The following WNK1 variants were observed in gnomAD, a reference collection of about 807,000 sequenced individuals.
WNK1 encodes the protein WNK lysine deficient protein kinase 1, also known as serine/threonine-protein kinase WNK1.
In WNK1, 38 loss-of-function variants were observed where a neutral mutation model predicts 222.8. That is an observed-to-expected ratio of 0.17 (90% CI 0.13 to 0.22). WNK1 has a LOEUF of 0.22. WNK1 is among the 10% of genes least tolerant of loss of function. WNK1 has a pLI of 1.00. For synonymous variants in WNK1, 1,090 were observed against 1,092.9 expected (o/e 1.00, Z 0.05); for missense variants, 2,348 against 2,918.4 (o/e 0.80, Z 4.50).
At position 884,750 on chromosome 12, in the gene WNK1, A is replaced by G; in HGVS notation, c.3946A>G (p.Thr1316Ala). ...TTCTGAACTTAGACGTGCCCAAATG[A>G]CAGAAGGACCCAACACAGCACCTCC... is the stretch of plus-strand genomic sequence containing the variant. ...AFSELRRAQM[T>A]EGPNTAPPNF... Residue 1316 changes from threonine to alanine, a missense_variant, in exon 19 of 28, where the codon ACA (threonine) becomes GCA (alanine). By Grantham distance (58) the Thr-to-Ala change is moderately conservative. Around this residue, in one of 13 missense-constraint regions of WNK1, gnomAD observed 1,144 missense variants for 1,273.6 expected, o/e 0.90. Transcript: ENST00000315939. The surrounding 1 kb of genome is among the most constrained non-coding windows in gnomAD (Gnocchi z 5.6). 6 of 1,614,186 alleles carry G rather than the reference A, an allele frequency of 3.7e-6. No individual in the cohort carries two copies. The highest frequency in any genetic ancestry group is 5.1e-6 in the Non-Finnish European group (6 of 1,180,032).
Position 753,468 on chromosome 12 carries a change from C to A in WNK1, c.-98C>A. 1.3e-6 allele frequency: 2 copies of A among 1,536,888 alleles called. No homozygotes were observed. The highest frequency in any genetic ancestry group is 1.8e-5 in the Admixed American group (1 of 54,570). On this transcript the variant is annotated 5_prime_UTR_variant, in exon 1 of 28. Transcript: ENST00000315939. The surrounding 1 kb of genome is among the most constrained non-coding windows in gnomAD (Gnocchi z 5.2). ...TCCGGGTCGGCGCGAACCCGCCCGG[C>A]CGCGGTTCCCTGCAGACCTCTGCGC...
intron 1 of WNK1, among the ~76,000 whole-genome samples, chr12:810,172 G>A (rs557526428): frequency 2.0e-4 from 30 of 152,126 alleles, no homozygotes; most frequent in Middle Eastern, 3.4e-3. Context: ...GCCTGAACCC[G>A]GGAGGTGGAG....
chr12:779,279 C>T (rs980791667), intron 1 of WNK1, among the ~76,000 whole-genome samples: 1 of 151,934 alleles, frequency 6.6e-6, no homozygotes, highest in African/African-American at 2.4e-5. Context: ...TTTCGAATTC[C>T]CTGTTGGGAA....
Position 832,145 on chromosome 12 carries a change from G to A in WNK1, c.1311+1985G>A, listed in dbSNP as rs1211446827. On this transcript the variant is annotated intron_variant, in intron 4 of 27. Transcript: ENST00000315939. ...GGCTGGAGTGCAGTGGCGCCATCTC[G>A]GCTCACTGCAAGCTCTGCCTCCTGG... 3.3e-5 allele frequency among the ~76,000 whole-genome samples: 5 copies of A among 151,994 alleles called. 1 individual carries two copies. Among genetic ancestry groups the A allele is most frequent in the African/African-American group, 7.2e-5 (3 of 41,460 alleles).
rs186707862 is a variant in WNK1, at chr12:823,157, T to C, written c.933-3885T>C. Among the ~76,000 whole-genome samples the C allele has an allele frequency of 1.4e-3, 210 of 152,322 alleles. 1 individual carries two copies. Among genetic ancestry groups the C allele is most frequent in the African/African-American group, 4.9e-3 (203 of 41,576 alleles). On this transcript the variant is annotated intron_variant, in intron 2 of 27. Transcript: ENST00000315939. ...TTGCTGAAAAATCAGCTCATAATCTTATTGAGGATCCCATGGTCATAAGTC... is the reference window on the plus strand; with the variant it reads ...TTGCTGAAAAATCAGCTCATAATCTCATTGAGGATCCCATGGTCATAAGTC...
chr12:860,625 A>C (rs1951135232), intron 6 of WNK1, among the ~76,000 whole-genome samples: 1 of 152,194 alleles, frequency 6.6e-6, no homozygotes, highest in South Asian at 2.1e-4. Context: ...TTGCCTTGTA[A>C]AAGAAAGTGA....
At chr12:906,910 G>A (rs921393827) in intron 26 of WNK1, 7 of 241,268 alleles carry the variant, frequency 2.9e-5, no homozygotes, top group Non-Finnish European at 4.0e-5. Flanking sequence ...AAGTGCATAC[G>A]TCTAGTCCCA....
chr12:797,481 A>G (rs987451873), intron 1 of WNK1, among the ~76,000 whole-genome samples: 4 of 152,234 alleles, frequency 2.6e-5, no homozygotes, highest in Admixed American at 2.6e-4. Context: ...AATGATCGTA[A>G]TAATACAGCA....
chr12:869,092 A>G lies in WNK1; in HGVS notation c.2140-2173A>G, dbSNP rs775102491. On this transcript the variant is annotated intron_variant, in intron 8 of 27. Coordinates refer to ENST00000315939, the MANE Select transcript of WNK1 (RefSeq NM_018979.4). ...CCTCATTTTCTTCAGGAGGATCTGC[A>G]CTTCATCCACAGGTTATAGGAAAAC... 3.1e-6 allele frequency: 5 copies of G among 1,614,050 alleles called. No homozygotes were observed. The East Asian group carries it at 8.9e-5, about 29-fold the overall frequency.
At position 880,781 on chromosome 12, in the gene WNK1, A is replaced by G. The variant is rs747935613; in HGVS notation, c.2893A>G (p.Asn965Asp). The G allele has an allele frequency of 6.2e-7, 1 of 1,613,920 alleles. No homozygotes were observed. Among genetic ancestry groups the G allele is most frequent in the Non-Finnish European group, 8.5e-7 (1 of 1,179,988 alleles). Reference protein sequence around the residue: ...PGDSNIAPSSNVASVCIHSTV... With the variant: ...PGDSNIAPSSDVASVCIHSTV... ...AGATTCAAATATTGCTCCCTCTTCC[A>G]ACGTGGCTTCTGTTTGCATCCATTC... is the stretch of plus-strand genomic sequence containing the variant. Residue 965 changes from asparagine to aspartate, a missense_variant, in exon 12 of 28, where the codon AAC becomes GAC. Asn to Asp is a conservative substitution (Grantham distance 23). Around this residue, in one of 13 missense-constraint regions of WNK1, gnomAD observed 547 missense variants for 558.3 expected, o/e 0.98. Transcript: ENST00000315939.
chr12:778,655 T>A (rs1211801458), intron 1 of WNK1, among the ~76,000 whole-genome samples: 6 of 151,250 alleles, frequency 4.0e-5, no homozygotes, highest in African/African-American at 4.9e-5. Context: ...TTTTTTTTTT[T>A]AAAGTCATTC....
intron 1 of WNK1, among the ~76,000 whole-genome samples, chr12:771,939 C>T (rs116612417): frequency 0.015 from 2,213 of 152,092 alleles, 47 homozygotes; most frequent in African/African-American, 0.05. Flanking sequence ...CTTGAGAAAC[C>T]CTCTTAATTT....
intron 8 of WNK1, among the ~76,000 whole-genome samples, chr12:870,188 A>G (rs1952021381): frequency 6.6e-6 from 1 of 152,216 alleles, no homozygotes; most frequent in Admixed American, 6.5e-5. Flanking sequence ...TGCACAAATT[A>G]TCAATTATTT....
intron 10 of WNK1, 60 bp from the exon 11 acceptor site, chr12:879,501 TTGGCAGCCTTGC>T: frequency 7.9e-6 from 8 of 1,017,836 alleles, no homozygotes; most frequent in East Asian, 3.1e-5. Flanking sequence ...AATCTTGCTT[TTGGCAGCCTTGC>T]TTTTTTTTTT....
rs745823883 is a variant in WNK1, at chr12:879,995, T to C, written c.2796T>C (p.Ala932=). 1.3e-5 allele frequency: 21 copies of C among 1,614,092 alleles called. No individual in the cohort carries two copies. The highest frequency in any genetic ancestry group is 2.5e-6 in the Non-Finnish European group (3 of 1,180,054). ...TACCAGCTAACCTTGGACAAGCTGCTGAGGTTCCACTTTCCTCTGGAGATG... is the reference window on the plus strand; with the variant it reads ...TACCAGCTAACCTTGGACAAGCTGCCGAGGTTCCACTTTCCTCTGGAGATG... The part of the protein sequence containing the change: ...MGIPANLGQA[A]EVPLSSGDVL... Residue 932 remains alanine (A), a synonymous_variant, in exon 11 of 28, where the codon GCT becomes GCC. Transcript: ENST00000315939.
At chr12:756,483 ATTT>A in intron 1 of WNK1, among the ~76,000 whole-genome samples, 1 of 152,164 alleles carries the variant, frequency 6.6e-6, no homozygotes, top group Non-Finnish European at 1.5e-5. Context: ...ATCGCATATT[ATTT>A]TTGAGTCATT....
intron 2 of WNK1, among the ~76,000 whole-genome samples, chr12:825,685 C>T (rs1047571353): frequency 2.6e-5 from 4 of 151,898 alleles, no homozygotes; most frequent in African/African-American, 7.3e-5. Context: ...TTTACCTCAA[C>T]AAATAGAGAA....
chr12:807,373 C>G (rs536511794), intron 1 of WNK1, among the ~76,000 whole-genome samples: 2 of 151,220 alleles, frequency 1.3e-5, no homozygotes, highest in South Asian at 4.2e-4. Flanking sequence ...CCACATCAGG[C>G]ACACTGAAAA....
chr12:820,283 G>A (rs780259040), intron 2 of WNK1, among the ~76,000 whole-genome samples: 34 of 151,900 alleles, frequency 2.2e-4, no homozygotes, highest in Admixed American at 1.2e-3. Context: ...CACATCCTTG[G>A]TTAAATTTAT....
Sources: allele counts gnomAD v4.1 joint callset (sites outside exome capture counted in the v4.1 genomes callset), GRCh38; gene constraint gnomAD v4.1.1; regional missense constraint gnomAD v4.1.1; non-coding constraint Gnocchi (gnomAD v3.1); transcripts MANE v1.5; gene names NCBI Gene and HGNC (gene_info 2026-07-23, HGNC 2026-07-21).